The following PRKX variants were observed in gnomAD, a reference collection of about 807,000 sequenced individuals.
PRKX encodes cAMP-dependent protein kinase catalytic subunit PRKX.
Under a neutral mutation model 22.0 loss-of-function variants are expected in PRKX, and 12 were observed. The ratio of observed to expected loss-of-function variants is 0.54; its 90% CI spans 0.35 to 0.88. The LOEUF (loss-of-function observed/expected upper bound fraction) is 0.88. Among genes scored for constraint, PRKX ranks in the 40% least tolerant of loss-of-function variants. The pLI, the probability that PRKX is intolerant of heterozygous loss-of-function variation, is 0.01. For synonymous variants in PRKX, 134 were observed against 137.7 expected (o/e 0.97, Z 0.19); for missense variants, 217 against 308.0 (o/e 0.70, Z 2.21).
intron 7 of PRKX, among the ~76,000 whole-genome samples, chrX:3,614,210 A>C (rs1331066818): frequency 8.9e-6 from 1 of 112,483 alleles, no homozygotes; most frequent in Non-Finnish European, 1.9e-5. Flanking sequence ...TAAGTAAACT[A>C]AGCCAGGCCG....
chrX:3,608,260 G>A lies in PRKX; in HGVS notation c.*709C>T, dbSNP rs1251492334. The A allele has an allele frequency of 1.8e-5, 2 of 110,007 alleles. No individual in the cohort carries two copies. Among genetic ancestry groups the A allele is most frequent in the African/African-American group, 6.6e-5 (2 of 30,272 alleles). 9.1% of individuals were successfully genotyped at this position (110,007 alleles called of 1,213,427 possible). On this transcript the variant is annotated 3_prime_UTR_variant, in exon 9 of 9. Transcript: ENST00000262848. ...CTCCAACAACTTCAATGTCATTGTAGATTCTTGGAATAAATTCGCTCCCAT... is the reference window on the plus strand; with the variant it reads ...CTCCAACAACTTCAATGTCATTGTAAATTCTTGGAATAAATTCGCTCCCAT...
rs768132928 is a variant in PRKX, at chrX:3,669,747, T to C, written c.335+4851A>G. Among the ~76,000 whole-genome samples, 8 of 112,192 alleles carry C rather than the reference T, an allele frequency of 7.1e-5. No homozygotes were observed. The South Asian group carries it at 2.9e-3, about 41-fold the overall frequency. On this transcript the variant is annotated intron_variant, in intron 2 of 8. Transcript: ENST00000262848. Reference sequence around the variant, plus strand: ...ACCTATCTTAATATCATCTATTAGCTACCCATCATCTATCTACTCACCTAT... The same window carrying C: ...ACCTATCTTAATATCATCTATTAGCCACCCATCATCTATCTACTCACCTAT...
chrX:3,708,563 TAA>T (rs138886792), intron 1 of PRKX, among the ~76,000 whole-genome samples: 1 of 102,193 alleles, frequency 9.8e-6, no homozygotes. Flanking sequence ...TGTGAAAGTT[TAA>T]AAAAAAAAAA....
Position 3,604,859 on chromosome X carries a change from A to G in PRKX, c.*4110T>C, listed in dbSNP as rs1407318700. 9.0e-6 allele frequency: 1 copy of G among 111,681 alleles called. No individual in the cohort carries two copies. The highest frequency in any genetic ancestry group is 1.9e-5 in the Non-Finnish European group (1 of 53,187). The allele number at this position is 111,681 out of a possible 1,213,427, so 9.2% of individuals were successfully genotyped here. On this transcript the variant is annotated 3_prime_UTR_variant, in exon 9 of 9. Coordinates refer to ENST00000262848, the MANE Select transcript of PRKX (RefSeq NM_005044.5). ...GAAGATCAAACTAAGCCTCAACAGA[A>G]CTTCCCAACACACGATAATTTACAG...
At chrX:3,700,297 G>A (rs922619262) in intron 1 of PRKX, among the ~76,000 whole-genome samples, 1 of 112,032 alleles carries the variant, frequency 8.9e-6, no homozygotes, top group African/African-American at 3.2e-5. Flanking sequence ...AGAGCAAAAC[G>A]CAATGTAACT....
intron 5 of PRKX, among the ~76,000 whole-genome samples, chrX:3,626,070 C>T (rs1283831095): frequency 9.0e-6 from 1 of 111,384 alleles, no homozygotes; most frequent in East Asian, 2.8e-4. Flanking sequence ...CTCTGCTAAA[C>T]CCATCAACAG....
chrX:3,618,131 C>T (rs141569124), intron 6 of PRKX, among the ~76,000 whole-genome samples: 11,157 of 106,726 alleles, frequency 0.1, 565 homozygotes, highest in Middle Eastern at 0.19. Context: ...ACCTCACTTA[C>T]ATGGGAAATC....
At chrX:3,668,422 G>A (rs1376273301) in intron 2 of PRKX, among the ~76,000 whole-genome samples, 1 of 111,540 alleles carries the variant, frequency 9.0e-6, no homozygotes, top group African/African-American at 3.3e-5. Flanking sequence ...AGAACATGGT[G>A]TTCTTTCTTC....
chrX:3,636,953 T>TGAAAG (rs1450186343), intron 4 of PRKX, among the ~76,000 whole-genome samples: 1 of 73,469 alleles, frequency 1.4e-5, no homozygotes, highest in African/African-American at 5.4e-5. Context: ...GGAAAGGAAA[T>TGAAAG]GAAAGGAAAG....
At chrX:3,678,745 T>C (rs1403470331) in intron 1 of PRKX, among the ~76,000 whole-genome samples, 1 of 111,881 alleles carries the variant, frequency 8.9e-6, no homozygotes, top group Non-Finnish European at 1.9e-5. Context: ...CAACATTTAA[T>C]GGTGCTGGTA....
intron 2 of PRKX, among the ~76,000 whole-genome samples, chrX:3,666,027 TTGA>T (rs1927718867): frequency 9.1e-6 from 1 of 109,384 alleles, no homozygotes; most frequent in South Asian, 4.0e-4. Context: ...TTTTTTTTTT[TTGA>T]GACAGAGTCT....
chrX:3,659,817 C>A (rs1927558866), intron 2 of PRKX, among the ~76,000 whole-genome samples: 1 of 104,859 alleles, frequency 9.5e-6, no homozygotes, highest in Admixed American at 1.0e-4. Context: ...CTCCGCCTCC[C>A]GAGTTCAAGT....
intron 3 of PRKX, among the ~76,000 whole-genome samples, chrX:3,650,749 C>T (rs1409557485): frequency 9.5e-6 from 1 of 104,958 alleles, no homozygotes; most frequent in African/African-American, 3.5e-5. Context: ...TGTGGTGGTA[C>T]ATGCCTGTAA....
intron 3 of PRKX, among the ~76,000 whole-genome samples, chrX:3,654,457 G>GTT (rs746800596): frequency 4.4e-4 from 19 of 43,327 alleles, no homozygotes; most frequent in South Asian, 1.3e-3. Flanking sequence ...ATTCAATTTG[G>GTT]TTTTTTTTTT....
intron 4 of PRKX, among the ~76,000 whole-genome samples, chrX:3,632,163 T>C (rs1202361787): frequency 1.8e-5 from 2 of 112,081 alleles, no homozygotes; most frequent in Non-Finnish European, 3.8e-5. Flanking sequence ...CATTTCTTCC[T>C]TCTTAAATAA....
At chrX:3,660,070 T>G (rs1170266188) in intron 2 of PRKX, among the ~76,000 whole-genome samples, 1 of 112,155 alleles carries the variant, frequency 8.9e-6, no homozygotes, top group African/African-American at 3.2e-5. Flanking sequence ...CTCAGTAATA[T>G]TTCGTGATTA....
chrX:3,695,927 T>G (rs1232641136), intron 1 of PRKX, among the ~76,000 whole-genome samples: 1 of 111,733 alleles, frequency 8.9e-6, no homozygotes, highest in Non-Finnish European at 1.9e-5. Flanking sequence ...CTGTCTTCTG[T>G]AGCTCTCTCC....
At chrX:3,621,893 T>C (rs56786851) in intron 5 of PRKX, among the ~76,000 whole-genome samples, 267 of 110,883 alleles carry the variant, frequency 2.4e-3, no homozygotes, top group African/African-American at 8.0e-3. Flanking sequence ...ATCCCAGCAC[T>C]GTGGGGAGGC....
At chrX:3,670,274 T>C (rs1332250649) in intron 2 of PRKX, 4 of 123,176 alleles carry the variant, frequency 3.2e-5, no homozygotes, top group Non-Finnish European at 7.5e-5. Context: ...GCATGCAACG[T>C]TGGACACCCT....
Sources: allele counts gnomAD v4.1 joint callset (sites outside exome capture counted in the v4.1 genomes callset), GRCh38; gene constraint gnomAD v4.1.1; transcripts MANE v1.5; gene names NCBI Gene and HGNC (gene_info 2026-07-23, HGNC 2026-07-21).